ADARB2: variants seen among roughly 807,000 people sequenced by gnomAD.
ADARB2 encodes adenosine deaminase RNA specific B2 (inactive), also known as inactive double-stranded RNA-specific editase B2.
A neutral mutation model predicts 62.2 loss-of-function variants in ADARB2; 25 were observed. The ratio of observed to expected loss-of-function variants is 0.40; its 90% confidence interval spans 0.29 to 0.56. The LOEUF is 0.56. ADARB2 is among the 20% of genes least tolerant of loss of function. The probability of loss-of-function intolerance (pLI) is 0.43; values close to 1 mark genes in which losing one functional copy is unlikely to be tolerated. For missense variants in ADARB2, 1,071 were observed against 1,077.4 expected, an observed-to-expected ratio of 0.99 and a Z score of 0.08; for synonymous variants, 572 against 500.8, an observed-to-expected ratio of 1.14 and a Z score of -1.90.
chr10:1,266,256 C>T (rs539561840), intron 4 of ADARB2, among the ~76,000 whole-genome samples: 1 of 152,302 alleles, frequency 6.6e-6, no homozygotes, highest in Non-Finnish European at 1.5e-5. Context: ...CGAGGTCAGG[C>T]CTGGGAGGGC....
At chr10:1,263,344 C>T (rs1240021530) in intron 4 of ADARB2, among the ~76,000 whole-genome samples, 1 of 152,090 alleles carries the variant, frequency 6.6e-6, no homozygotes, top group Non-Finnish European at 1.5e-5. Context: ...TTTACACACC[C>T]CAAACATTGC....
At chr10:1,623,607 T>G (rs1285648214) in intron 1 of ADARB2, among the ~76,000 whole-genome samples, 3 of 152,226 alleles carry the variant, frequency 2.0e-5, no homozygotes, top group African/African-American at 7.2e-5. Context: ...GTAACTGCTT[T>G]GAACTCCTTG....
intron 3 of ADARB2, among the ~76,000 whole-genome samples, chr10:1,357,373 G>A (rs1289223107): frequency 6.6e-6 from 1 of 152,102 alleles, no homozygotes; most frequent in African/African-American, 2.4e-5. Flanking sequence ...TGGGCACAGT[G>A]GCAGACAGGT....
intron 1 of ADARB2, among the ~76,000 whole-genome samples, chr10:1,493,460 G>A (rs888313453): frequency 1.3e-5 from 2 of 152,168 alleles, no homozygotes; most frequent in Non-Finnish European, 2.9e-5. Context: ...GGATAAAATA[G>A]TGGCAAATTG....
chr10:1,404,282 A>G (rs1484570188), intron 1 of ADARB2, among the ~76,000 whole-genome samples: 1 of 152,204 alleles, frequency 6.6e-6, no homozygotes, highest in Non-Finnish European at 1.5e-5. Context: ...GGAACGGCTC[A>G]CGGGGGACCT....
At chr10:1,379,689 A>G (rs1832465311) in intron 1 of ADARB2, among the ~76,000 whole-genome samples, 1 of 152,194 alleles carries the variant, frequency 6.6e-6, no homozygotes, top group Admixed American at 6.5e-5. Context: ...GGAGGGAGCT[A>G]GCGGTGTGGG....
At chr10:1,382,974 G>A (rs1032743917) in intron 1 of ADARB2, among the ~76,000 whole-genome samples, 6 of 152,194 alleles carry the variant, frequency 3.9e-5, no homozygotes, top group East Asian at 1.9e-4. Context: ...GCAGTGGCCT[G>A]GGGCCGGCCC....
At chr10:1,396,491 C>T (rs1327892133) in intron 1 of ADARB2, among the ~76,000 whole-genome samples, 2 of 152,216 alleles carry the variant, frequency 1.3e-5, no homozygotes, top group East Asian at 1.9e-4. Context: ...TCGAAGAATC[C>T]GGCCCTGAGC....
chr10:1,427,530 C>T (rs1014547838), intron 1 of ADARB2, among the ~76,000 whole-genome samples: 1 of 152,176 alleles, frequency 6.6e-6, no homozygotes, highest in Non-Finnish European at 1.5e-5. Context: ...TGAGATGTTA[C>T]CATATACCTG....
chr10:1,734,047 G>A (rs935358423), intron 1 of ADARB2, among the ~76,000 whole-genome samples: 7 of 151,506 alleles, frequency 4.6e-5, no homozygotes, highest in Admixed American at 1.3e-4. Context: ...TTATATGAGA[G>A]TCAAATTTTG....
intron 6 of ADARB2, among the ~76,000 whole-genome samples, chr10:1,232,641 CTGTG>C (rs369821475): frequency 8.8e-4 from 126 of 142,906 alleles, no homozygotes; most frequent in Non-Finnish European, 1.6e-3. Flanking sequence ...TGTATGTGGT[CTGTG>C]TGTGGTATAT....
intron 1 of ADARB2, among the ~76,000 whole-genome samples, chr10:1,638,584 C>T (rs550331884): frequency 2.4e-4 from 36 of 152,218 alleles, no homozygotes; most frequent in African/African-American, 8.4e-4. Context: ...GACTGCTAGC[C>T]AGACATCGTT....
At chr10:1,498,375 C>CAAGTAAAT (rs1491231655) in intron 1 of ADARB2, among the ~76,000 whole-genome samples, 1 of 147,168 alleles carries the variant, frequency 6.8e-6, no homozygotes, top group Non-Finnish European at 1.5e-5. Context: ...AACTCTGTCT[C>CAAGTAAAT]AAATAAATAA....
At chr10:1,597,427 A>T (rs953219566) in intron 1 of ADARB2, among the ~76,000 whole-genome samples, 3 of 152,240 alleles carry the variant, frequency 2.0e-5, no homozygotes, top group African/African-American at 7.2e-5. Context: ...CTCAACAGAA[A>T]AAAAATAACC....
intron 4 of ADARB2, among the ~76,000 whole-genome samples, chr10:1,243,737 G>A (rs1431804839): frequency 6.6e-6 from 1 of 152,362 alleles, no homozygotes; most frequent in Non-Finnish European, 1.5e-5. Flanking sequence ...GCTGGGGTCT[G>A]TCTGTCCAGC....
chr10:1,377,193 T>C (rs559651575), intron 2 of ADARB2, among the ~76,000 whole-genome samples: 1 of 122,632 alleles, frequency 8.2e-6, no homozygotes, highest in Non-Finnish European at 1.7e-5. Context: ...GGGTGTGTGC[T>C]CCTGGGGTGT....
chr10:1,490,669 G>C (rs1831610818), intron 1 of ADARB2, among the ~76,000 whole-genome samples: 1 of 152,136 alleles, frequency 6.6e-6, no homozygotes, highest in Non-Finnish European at 1.5e-5. Context: ...TGTCCAGGCT[G>C]GTCTTGAACT....
chr10:1,205,181 G>T (rs1365358469), intron 7 of ADARB2, among the ~76,000 whole-genome samples: 1 of 152,236 alleles, frequency 6.6e-6, no homozygotes, highest in Non-Finnish European at 1.5e-5. Flanking sequence ...CCCGGGGGCT[G>T]CCTCGGCTGG....
intron 1 of ADARB2, among the ~76,000 whole-genome samples, chr10:1,411,899 C>T (rs553312956): frequency 1.9e-4 from 29 of 152,332 alleles, no homozygotes; most frequent in Middle Eastern, 3.4e-3. Context: ...TTTCAGCTAG[C>T]AGTATAGATT....
Sources: gnomAD v4.1 joint callset for allele counts (sites outside exome capture counted in the v4.1 genomes callset) on GRCh38, gnomAD v4.1.1 for gene constraint, MANE v1.5 for transcripts, NCBI Gene and HGNC (gene_info 2026-07-23, HGNC 2026-07-21) for gene names.